The following CYP2J2 variants were observed in gnomAD, a reference collection of about 807,000 sequenced individuals.
CYP2J2 encodes the protein cytochrome P450 2J2.
In CYP2J2, 41 loss-of-function variants were observed where a neutral mutation model predicts 48.8. That is an observed-to-expected ratio of 0.84 (90% CI 0.66 to 1.09). CYP2J2 has a LOEUF of 1.09. CYP2J2 is among the 50% of genes least tolerant of loss of function. The pLI, the probability that CYP2J2 is intolerant of heterozygous loss-of-function variation, is 0.00. For synonymous variants in CYP2J2, 221 were observed against 227.1 expected (o/e 0.97, Z 0.24); for missense variants, 644 against 617.3 (o/e 1.04, Z -0.46).
upstream of CYP2J2, among the ~76,000 whole-genome samples, chr1:59,931,012 C>T (rs1314367389): frequency 6.6e-6 from 1 of 152,074 alleles, no homozygotes; most frequent in Non-Finnish European, 1.5e-5. Flanking sequence ...GTGAATGGAG[C>T]TTGGAAGTCA....
the CYP2J2 span, among the ~76,000 whole-genome samples, chr1:59,947,434 T>G: frequency 6.6e-6 from 1 of 152,066 alleles, no homozygotes; most frequent in Non-Finnish European, 1.5e-5. Context: ...AAGAGTGCAG[T>G]TAATTGGAGA....
chr1:59,966,255 ACTC>A, the CYP2J2 span, among the ~76,000 whole-genome samples: 1 of 151,732 alleles, frequency 6.6e-6, no homozygotes, highest in African/African-American at 2.4e-5. Context: ...TCATTAGAGC[ACTC>A]CTCTCCTTCC....
the CYP2J2 span, among the ~76,000 whole-genome samples, chr1:59,946,700 T>C: frequency 3.9e-5 from 6 of 152,156 alleles, no homozygotes; most frequent in Non-Finnish European, 7.4e-5. Flanking sequence ...CATTAAGGAA[T>C]GTCAAATGTT....
chr1:59,913,755 C>T (rs566719796), intron 2 of CYP2J2, among the ~76,000 whole-genome samples: 2 of 152,312 alleles, frequency 1.3e-5, no homozygotes, highest in Admixed American at 6.5e-5. Context: ...CTACAAAAGT[C>T]CCTTGCTCCT....
the CYP2J2 span, among the ~76,000 whole-genome samples, chr1:59,943,681 T>C: frequency 1.3e-5 from 2 of 152,056 alleles, no homozygotes; most frequent in South Asian, 2.1e-4. Context: ...GAAGCAGTTT[T>C]TTTTTTTTCC....
chr1:59,921,539 C>T (rs560435421), intron 1 of CYP2J2, among the ~76,000 whole-genome samples: 37 of 152,142 alleles, frequency 2.4e-4, no homozygotes, highest in Admixed American at 8.5e-4. Context: ...ATGAGGGGCA[C>T]CTGTTCACAT....
At position 59,926,750 on chromosome 1, in the gene CYP2J2, T is replaced by C. The variant is rs1557432294; in HGVS notation, c.-4A>G. Reference sequence around the variant, plus strand: ...GAGAGCCCATCGCCGCGAGCATGGCTCAGACGTCCTCCTGCTCTTCTGCGG... The same window carrying C: ...GAGAGCCCATCGCCGCGAGCATGGCCCAGACGTCCTCCTGCTCTTCTGCGG... On this transcript the variant is annotated 5_prime_UTR_variant, in exon 1 of 9. Transcript: ENST00000371204. 6.2e-7 allele frequency: 1 copy of C among 1,610,350 alleles called. No individual in the cohort carries two copies. Among genetic ancestry groups the C allele is most frequent in the Non-Finnish European group, 8.5e-7 (1 of 1,178,346 alleles).
In CYP2J2 at chr1:59,909,967, G is replaced by A. The variant is rs1644397893; in HGVS notation, c.685-7C>T. The A allele has an allele frequency of 1.3e-6, 2 of 1,591,902 alleles. No homozygotes were observed. Among genetic ancestry groups the A allele is most frequent in the Non-Finnish European group, 1.7e-6 (2 of 1,172,776 alleles). On this transcript the variant is annotated splice_polypyrimidine_tract_variant and splice_region_variant and intron_variant, in intron 4 of 8. Coordinates refer to ENST00000371204, the MANE Select transcript of CYP2J2 (RefSeq NM_000775.4). ...ATGGAAAGACATTGTAGAGCTAATT[G>A]AGAAAAACAAAACAATCATGCAGAT...
chr1:59,916,347 T>A (rs1644465780), intron 1 of CYP2J2, among the ~76,000 whole-genome samples: 1 of 152,212 alleles, frequency 6.6e-6, no homozygotes, highest in East Asian at 1.9e-4. Flanking sequence ...TGTTTCTTTA[T>A]AAATATCTAT....
intron 6 of CYP2J2, 141 bp downstream of exon 6, chr1:59,907,645 C>A: frequency 1.3e-6 from 1 of 772,776 alleles, no homozygotes; most frequent in Non-Finnish European, 2.0e-6. Flanking sequence ...GAAGAATGTG[C>A]AGTTTCCAAG....
At chr1:59,913,041 A>T (rs1187026342) in intron 2 of CYP2J2, 1 of 152,272 alleles carries the variant, frequency 6.6e-6, no homozygotes, top group African/African-American at 2.4e-5. Flanking sequence ...ACACCTTTTA[A>T]TATCTGACTA....
At chr1:59,943,700 AG>A in the CYP2J2 span, among the ~76,000 whole-genome samples, 1 of 152,056 alleles carries the variant, frequency 6.6e-6, no homozygotes, top group Non-Finnish European at 1.5e-5. Context: ...CCCCCCACAA[AG>A]GGTTGTAGGG....
At chr1:59,901,192 CG>C in intron 7 of CYP2J2, 89 bp from the exon 8 acceptor site, 7 of 1,451,996 alleles carry the variant, frequency 4.8e-6, no homozygotes, top group Non-Finnish European at 5.7e-6. Flanking sequence ...GCTTCCTTGC[CG>C]GGGGCCTGAA....
rs747907693 is a variant in CYP2J2, at chr1:59,912,162, C to T, written c.523G>A (p.Gly175Arg). 8.7e-6 allele frequency: 14 copies of T among 1,611,830 alleles called. No homozygotes were observed. The highest frequency in any genetic ancestry group is 4.5e-5 in the East Asian group (2 of 44,850). Residue 175 changes from glycine to arginine, a missense_variant and splice_region_variant, in exon 3 of 9, where the codon GGA becomes AGA. Physicochemically the swap from Gly to Arg is moderately radical, Grantham distance 125. Coordinates refer to ENST00000371204, the MANE Select transcript of CYP2J2 (RefSeq NM_000775.4). Reference sequence around the variant, plus strand: ...CACCTCTGTCATATGCAATGCTCACCGTTCTCCTCTTTTATTGCTTCAGTG... The same window carrying T: ...CACCTCTGTCATATGCAATGCTCACTGTTCTCCTCTTTTATTGCTTCAGTG... ...HLTEAIKEEN[G>R]QPFDPHFKIN...
rs748996839 is a variant in CYP2J2 at position 59,911,669 on chromosome 1, A to C, written c.623T>G (p.Phe208Cys). ...ATCTAGTAACTTCAGCAGCTGCTGA[A>C]ACCAACTATCCTGGTACTCAAAGCG... is the stretch of plus-strand genomic sequence containing the variant. ...GERFEYQDSW[F>C]QQLLKLLDEV... The change falls in exon 4 of 9, where the codon TTT (phenylalanine) becomes TGT (cysteine). Residue 208 changes from phenylalanine to cysteine, a missense_variant. Phe to Cys is a radical substitution (Grantham distance 205). Coordinates refer to ENST00000371204, the MANE Select transcript of CYP2J2 (RefSeq NM_000775.4). 6.2e-7 allele frequency: 1 copy of C among 1,613,618 alleles called. No homozygotes were observed. The highest frequency in any genetic ancestry group is 8.5e-7 in the Non-Finnish European group (1 of 1,179,680).
chr1:59,910,499 T>C (rs778080032), intron 4 of CYP2J2, among the ~76,000 whole-genome samples: 4 of 152,188 alleles, frequency 2.6e-5, no homozygotes, highest in Non-Finnish European at 5.9e-5. Context: ...ATTGTATTCT[T>C]TTATACACAT....
At chr1:59,919,995 A>T (rs1361357057) in intron 1 of CYP2J2, among the ~76,000 whole-genome samples, 2 of 152,154 alleles carry the variant, frequency 1.3e-5, no homozygotes, top group Non-Finnish European at 2.9e-5. Context: ...GGAGAGACTG[A>T]CTGTGCAGAA....
At chr1:59,957,147 A>G in the CYP2J2 span, among the ~76,000 whole-genome samples, 9 of 152,164 alleles carry the variant, frequency 5.9e-5, no homozygotes, top group Non-Finnish European at 1.0e-4. Context: ...TTTTTAAACC[A>G]TTAAGTTTTA....
intron 2 of CYP2J2, among the ~76,000 whole-genome samples, chr1:59,914,624 C>A (rs1300434229): frequency 6.6e-6 from 1 of 152,154 alleles, no homozygotes; most frequent in Admixed American, 6.5e-5. Flanking sequence ...AAAATCATTG[C>A]CATTCTCTAG....
Sources: allele counts gnomAD v4.1 joint callset (sites outside exome capture counted in the v4.1 genomes callset), GRCh38; gene constraint gnomAD v4.1.1; transcripts MANE v1.5; gene names NCBI Gene and HGNC (gene_info 2026-07-23, HGNC 2026-07-21).